Variants in COPG2 observed in about 807,000 individuals in gnomAD.
COPG2 encodes coat protein complex I subunit gamma 2, also known as coatomer subunit gamma-2.
COPG2 carries 37 observed loss-of-function variants against 46.3 expected under a neutral mutation model. That is an observed-to-expected ratio of 0.80 (90% CI 0.61 to 1.05). The LOEUF (loss-of-function observed/expected upper bound fraction) is 1.05, where lower values mean the gene tolerates loss of function less well. Among genes scored for constraint, COPG2 ranks in the 50% least tolerant of loss-of-function variants. The pLI, the probability that COPG2 is intolerant of heterozygous loss-of-function variation, is 0.00. For synonymous variants in COPG2, 159 were observed against 129.7 expected (o/e 1.23, Z -1.53); for missense variants, 427 against 387.8 (o/e 1.10, Z -0.85).
At chr7:130,577,731 G>A (rs1409091309) in intron 9 of COPG2, among the ~76,000 whole-genome samples, 1 of 143,416 alleles carries the variant, frequency 7.0e-6, no homozygotes, top group Non-Finnish European at 1.5e-5. Context: ...ACTGCAGTCC[G>A]CAGTCTGGCC....
At chr7:130,619,806 G>A (rs1367762962) in intron 5 of COPG2, among the ~76,000 whole-genome samples, 2 of 152,124 alleles carry the variant, frequency 1.3e-5, no homozygotes, top group East Asian at 1.9e-4. Flanking sequence ...ATGACAATTC[G>A]CTTAGCTGTA....
intron 9 of COPG2, chr7:130,608,057 A>G (rs2049169065): frequency 3.0e-6 from 1 of 338,778 alleles, no homozygotes; most frequent in African/African-American, 2.2e-5. Context: ...AGGAAGCTCA[A>G]CTGAATATTT....
Position 130,561,158 on chromosome 7 carries a change from C to G in COPG2, c.1003G>C (p.Asp335His), listed in dbSNP as rs1793712601. 2 of 398,338 alleles carry G rather than the reference C, an allele frequency of 5.0e-6. No individual in the cohort carries two copies. Among genetic ancestry groups the G allele is most frequent in the Admixed American group, 8.8e-5 (2 of 22,696 alleles). 24.7% of individuals were successfully genotyped at this position (398,338 alleles called of 1,614,324 possible). ...CNLDLENLIT[D>H]SNRSIATLAI... ...AAGGTAGCAATGCTTCTGTTTGAGT[C>G]TGTGATTAAGTTTTCTAAGTCCAGA... Residue 335 changes from aspartate (D) to histidine (H), a missense_variant, in exon 12 of 24, where the codon GAC (aspartate) becomes CAC (histidine). Coordinates refer to ENST00000425248, the MANE Select transcript of COPG2 (RefSeq NM_012133.6).
At chr7:130,668,517 C>A in intron 1 of COPG2, 115 bp downstream of exon 1, 1 of 906,996 alleles carries the variant, frequency 1.1e-6, no homozygotes, top group Non-Finnish European at 1.5e-6. Flanking sequence ...CAGCTCCGGC[C>A]CCCTGGCACG....
chr7:130,629,235 C>A (rs1470839604), intron 5 of COPG2, among the ~76,000 whole-genome samples: 1 of 151,852 alleles, frequency 6.6e-6, no homozygotes, highest in Middle Eastern at 3.2e-3. Flanking sequence ...TTGGCAGTTT[C>A]ACTGATATGC....
chr7:130,549,518 A>G (rs1793501209), intron 17 of COPG2, 142 bp from the exon 18 acceptor site: 1 of 396,234 alleles, frequency 2.5e-6, no homozygotes, highest in South Asian at 1.4e-4. Context: ...GTTATCTATC[A>G]CTTCTGGTGG....
intron 12 of COPG2, among the ~76,000 whole-genome samples, chr7:130,556,896 T>C (rs1793635181): frequency 6.6e-6 from 1 of 152,104 alleles, no homozygotes; most frequent in Non-Finnish European, 1.5e-5. Flanking sequence ...ACTTCAATCC[T>C]AATGACAGCA....
At chr7:130,521,014 G>C (rs1216923709) in intron 20 of COPG2, among the ~76,000 whole-genome samples, 1 of 152,120 alleles carries the variant, frequency 6.6e-6, no homozygotes, top group African/African-American at 2.4e-5. Flanking sequence ...TAGTGTTTTA[G>C]TGATGACTGA....
chr7:130,522,897 C>T (rs896837691), intron 20 of COPG2, among the ~76,000 whole-genome samples: 7 of 150,930 alleles, frequency 4.6e-5, no homozygotes. Flanking sequence ...GTGGGTGGAT[C>T]GCTTGAGGTC....
chr7:130,559,364 C>T (rs1280627944), intron 12 of COPG2, among the ~76,000 whole-genome samples: 4 of 152,176 alleles, frequency 2.6e-5, no homozygotes, highest in Non-Finnish European at 5.9e-5. Context: ...GGAGAACCCA[C>T]TCACACACTG....
At chr7:130,645,362 G>A (rs1373043278) in intron 5 of COPG2, 1 of 559,822 alleles carries the variant, frequency 1.8e-6, no homozygotes, top group African/African-American at 1.9e-5. Context: ...TTAGATCTCA[G>A]GTATAGACAT....
At chr7:130,598,812 C>T (rs950786839) in intron 9 of COPG2, among the ~76,000 whole-genome samples, 2 of 152,320 alleles carry the variant, frequency 1.3e-5, no homozygotes, top group African/African-American at 4.8e-5. Flanking sequence ...CTCTATCATG[C>T]AAGCCATCTG....
chr7:130,536,524 C>T (rs932226407), intron 20 of COPG2, among the ~76,000 whole-genome samples: 29 of 152,266 alleles, frequency 1.9e-4, no homozygotes, highest in South Asian at 4.1e-4. Flanking sequence ...AAGAAGAAAC[C>T]CAGCCCAAAA....
At chr7:130,650,592 T>C (rs1385105100) in intron 5 of COPG2, among the ~76,000 whole-genome samples, 3 of 152,238 alleles carry the variant, frequency 2.0e-5, no homozygotes, top group African/African-American at 7.2e-5. Flanking sequence ...AGTTAACTAA[T>C]CCGACATCCA....
intron 4 of COPG2, among the ~76,000 whole-genome samples, chr7:130,653,321 G>A (rs1438560253): frequency 7.9e-5 from 12 of 152,124 alleles, no homozygotes; most frequent in African/African-American, 1.7e-4. Context: ...TGGCGCAATC[G>A]TGGCTCACCA....
chr7:130,658,413 C>CG (rs879983496), intron 4 of COPG2, among the ~76,000 whole-genome samples: 7 of 151,938 alleles, frequency 4.6e-5, no homozygotes, highest in Non-Finnish European at 8.8e-5. Flanking sequence ...TAAAGAGACA[C>CG]GGGGGAACTT....
intron 20 of COPG2, among the ~76,000 whole-genome samples, chr7:130,530,742 A>G (rs1799816397): frequency 6.6e-6 from 1 of 152,054 alleles, no homozygotes; most frequent in South Asian, 2.1e-4. Context: ...AGGCAGTGCA[A>G]CAGGGGAGTC....
chr7:130,558,463 T>G (rs1793666099), intron 12 of COPG2, among the ~76,000 whole-genome samples: 1 of 152,218 alleles, frequency 6.6e-6, no homozygotes, highest in Non-Finnish European at 1.5e-5. Flanking sequence ...CCTGCAGAAC[T>G]GTGAGCCAAT....
Position 130,506,645 on chromosome 7 carries a change from G to A in COPG2, c.*31C>T, listed in dbSNP as rs781849989. On this transcript the variant is annotated 3_prime_UTR_variant, in exon 24 of 24. Transcript: ENST00000425248. The stretch of plus-strand genomic sequence containing the variant: ...CCTAAAAGCCCACTGACCATGTAGT[G>A]TGCATCAGTTTCCTCTTGTCCAGTA... 36 of 772,176 alleles carry A rather than the reference G, an allele frequency of 4.7e-5. No homozygotes were observed. Among genetic ancestry groups the A allele is most frequent in the Non-Finnish European group, 7.5e-5 (31 of 414,076 alleles). 47.8% of individuals were successfully genotyped at this position (772,176 alleles called of 1,614,324 possible).
Sources: allele counts gnomAD v4.1 joint callset (sites outside exome capture counted in the v4.1 genomes callset), GRCh38; gene constraint gnomAD v4.1.1; transcripts MANE v1.5; gene names NCBI Gene and HGNC (gene_info 2026-07-23, HGNC 2026-07-21).